The following SLIT2 variants were observed in gnomAD, a reference collection of about 807,000 sequenced individuals.
SLIT2 encodes slit homolog 2 protein.
In SLIT2, 41 loss-of-function variants were observed where a neutral mutation model predicts 185.7. The observed-to-expected ratio is 0.22, with a 90% confidence interval of 0.17 to 0.29. SLIT2 has a LOEUF of 0.29. SLIT2 is among the 10% of genes least tolerant of loss of function. The probability of loss-of-function intolerance (pLI) is 1.00; values close to 1 mark genes in which losing one functional copy is unlikely to be tolerated. For missense variants in SLIT2, 1,571 were observed against 1,909.0 expected (o/e 0.82, Z 3.30); for synonymous variants, 693 against 680.2 (o/e 1.02, Z -0.29).
In SLIT2 at chr4:20,572,513, C is replaced by A. The variant is rs181570793; in HGVS notation, c.3088+3509C>A. ...TCTTCTTTCTAAAGACAAGACATTT[C>A]TTGGAGCTAAATTTCCAAGGAATTC... On this transcript the variant is annotated intron_variant, in intron 29 of 36. Coordinates refer to ENST00000504154, the MANE Select transcript of SLIT2 (RefSeq NM_004787.4). Among the ~76,000 whole-genome samples the A allele has an allele frequency of 2.0e-5, 3 of 152,192 alleles. No homozygotes were observed. The East Asian group carries it at 5.8e-4, about 29-fold the overall frequency.
intron 4 of SLIT2, among the ~76,000 whole-genome samples, chr4:20,272,292 A>T (rs1235027878): frequency 6.6e-6 from 1 of 151,532 alleles, no homozygotes; most frequent in Non-Finnish European, 1.5e-5. Flanking sequence ...AAAATAAGCC[A>T]GCATGAAGTT....
At position 20,618,794 on chromosome 4, in the gene SLIT2, A is replaced by G. The variant is rs1167955432; in HGVS notation, c.4375A>G (p.Arg1459Gly). 1 of 1,605,114 alleles carries G rather than the reference A, an allele frequency of 6.2e-7. No individual in the cohort carries two copies. Among genetic ancestry groups the G allele is most frequent in the East Asian group, 2.2e-5 (1 of 44,574 alleles). The change falls in exon 37 of 37, where the codon AGA becomes GGA. Residue 1459 changes from arginine to glycine, a missense_variant. Physicochemically the swap from Arg to Gly is moderately radical, Grantham distance 125. Around this residue, in one of 3 missense-constraint regions of SLIT2, gnomAD observed 223 missense variants for 245.2 expected, o/e 0.91. Transcript: ENST00000504154. ...REISCRGERI[R>G]DYYQKQQGYA... is the part of the protein sequence containing the mutation. ...AATCTCTTGTCGAGGGGAAAGGATA[A>G]GAGATTATTACCAAAAGCAGCAGGG...
intron 4 of SLIT2, among the ~76,000 whole-genome samples, chr4:20,350,381 T>G (rs1721773119): frequency 1.3e-5 from 2 of 152,056 alleles, no homozygotes; most frequent in South Asian, 4.1e-4. Flanking sequence ...TCCCAAAGCA[T>G]GAGCAAATTC....
chr4:20,396,308 T>G (rs1725884106), intron 4 of SLIT2, among the ~76,000 whole-genome samples: 1 of 151,884 alleles, frequency 6.6e-6, no homozygotes, highest in African/African-American at 2.4e-5. Context: ...AAAGAATAAA[T>G]GAAGGCACAA....
At chr4:20,456,916 CT>C (rs1393021983) in intron 4 of SLIT2, among the ~76,000 whole-genome samples, 3 of 151,974 alleles carry the variant, frequency 2.0e-5, no homozygotes, top group African/African-American at 7.2e-5. Flanking sequence ...TTGACATCAC[CT>C]TTATCTTACC....
chr4:20,280,130 C>G (rs7668724), intron 4 of SLIT2, among the ~76,000 whole-genome samples: 5,702 of 151,782 alleles, frequency 0.038, 269 homozygotes, highest in East Asian at 0.1. Context: ...TCAGGAGATC[C>G]AGACCATCCT....
intron 29 of SLIT2, 41 bp from the exon 30 acceptor site, chr4:20,589,603 T>G: frequency 6.8e-7 from 1 of 1,462,838 alleles, no homozygotes; most frequent in Non-Finnish European, 9.6e-7. Context: ...GGAAGCCTGT[T>G]GACCTTTTTC....
chr4:20,518,690 C>T (rs182029692), intron 11 of SLIT2, among the ~76,000 whole-genome samples: 16,167 of 121,762 alleles, frequency 0.13, 1,173 homozygotes, highest in East Asian at 0.22. Flanking sequence ...CTGCAAGCTC[C>T]GCCTCCCGGG....
chr4:20,569,132 T>A, intron 29 of SLIT2, 128 bp downstream of exon 29: 1 of 798,040 alleles, frequency 1.3e-6, no homozygotes, highest in Admixed American at 2.1e-5. Context: ...GAAAATCAGA[T>A]GTAATGTAAA....
intron 4 of SLIT2, among the ~76,000 whole-genome samples, chr4:20,365,336 G>A (rs1723030116): frequency 6.6e-6 from 1 of 152,130 alleles, no homozygotes; most frequent in Non-Finnish European, 1.5e-5. Context: ...AACTCCTCAG[G>A]GATGCTGTTA....
chr4:20,549,480 A>AC (rs1385487756), intron 24 of SLIT2, among the ~76,000 whole-genome samples: 1 of 152,104 alleles, frequency 6.6e-6, no homozygotes, highest in Non-Finnish European at 1.5e-5. Flanking sequence ...ATAGTATATG[A>AC]AAACATTTTT....
Position 20,253,974 on chromosome 4 carries a change from C to G in SLIT2, c.159C>G (p.Ile53Met), listed in dbSNP as rs143087222. 6.2e-7 allele frequency: 1 copy of G among 1,602,936 alleles called. No individual in the cohort carries two copies. The highest frequency in any genetic ancestry group is 1.3e-5 in the African/African-American group (1 of 74,850). ...GLALRSVPRN[I>M]PRNTERLDLN... ...CGCTGCGCAGCGTGCCCAGGAATAT[C>G]CCCCGCAACACCGAGAGACTGTGAG... The change falls in exon 1 of 37, where the codon ATC becomes ATG. Residue 53 changes from isoleucine (I) to methionine (M), a missense_variant. This residue lies in a region of SLIT2 where 1,202 missense variants were observed against 1,416.4 expected (regional missense o/e 0.85). Coordinates refer to ENST00000504154, the MANE Select transcript of SLIT2 (RefSeq NM_004787.4).
intron 4 of SLIT2, among the ~76,000 whole-genome samples, chr4:20,414,832 A>G (rs903837048): frequency 3.9e-5 from 6 of 152,176 alleles, no homozygotes; most frequent in East Asian, 1.9e-4. Flanking sequence ...CAGATTGTCT[A>G]TGATGGGTCT....
chr4:20,384,635 G>A (rs187287581), intron 4 of SLIT2, among the ~76,000 whole-genome samples: 25 of 152,168 alleles, frequency 1.6e-4, no homozygotes, highest in East Asian at 9.7e-4. Context: ...ATGGATTAAA[G>A]CAAACCAAGA....
At chr4:20,344,465 T>C (rs12505297) in intron 4 of SLIT2, among the ~76,000 whole-genome samples, 132,087 of 152,078 alleles carry the variant, frequency 0.87, 57,540 homozygotes, top group African/African-American at 0.92. Context: ...TCTTTCTGCC[T>C]GCATTGAAAC....
At chr4:20,546,983 G>T (rs764849236) in intron 22 of SLIT2, among the ~76,000 whole-genome samples, 1 of 152,002 alleles carries the variant, frequency 6.6e-6, no homozygotes, top group East Asian at 1.9e-4. Context: ...ACTGGTTAAC[G>T]AATTAGAAGG....
At chr4:20,554,547 A>G (rs575502595) in intron 26 of SLIT2, among the ~76,000 whole-genome samples, 1 of 152,314 alleles carries the variant, frequency 6.6e-6, no homozygotes, top group South Asian at 2.1e-4. Flanking sequence ...ATGCCCCTAA[A>G]TAGAAAAATA....
chr4:20,399,740 T>C (rs951633067), intron 4 of SLIT2, among the ~76,000 whole-genome samples: 3 of 151,738 alleles, frequency 2.0e-5, no homozygotes, highest in Admixed American at 1.3e-4. Flanking sequence ...TACAGTGATA[T>C]TACACTATGT....
intron 4 of SLIT2, among the ~76,000 whole-genome samples, chr4:20,418,728 T>C (rs1433277850): frequency 6.6e-6 from 1 of 152,198 alleles, no homozygotes; most frequent in African/African-American, 2.4e-5. Flanking sequence ...TTGTCACATA[T>C]TGAAATTTGT....
Sources: allele counts gnomAD v4.1 joint callset (sites outside exome capture counted in the v4.1 genomes callset), GRCh38; gene constraint gnomAD v4.1.1; regional missense constraint gnomAD v4.1.1; transcripts MANE v1.5; gene names NCBI Gene and HGNC (gene_info 2026-07-23, HGNC 2026-07-21).